Variants in TBC1D14 observed in about 807,000 individuals in gnomAD.
TBC1D14 encodes the protein TBC1 domain family, member 14.
In TBC1D14, 26 loss-of-function variants were observed where a neutral mutation model predicts 79.0. The ratio of observed to expected loss-of-function variants is 0.33; its 90% CI spans 0.24 to 0.46. TBC1D14 has a LOEUF of 0.46. Among genes scored for constraint, TBC1D14 ranks in the 20% least tolerant of loss-of-function variants. The probability of loss-of-function intolerance (pLI) is 1.00; values close to 1 mark genes in which losing one functional copy is unlikely to be tolerated. For missense variants in TBC1D14, 769 were observed against 887.6 expected (o/e 0.87, Z 1.70); for synonymous variants, 394 against 349.9 (o/e 1.13, Z -1.40).
chr4:6,921,748 G>A (rs1723882242), intron 1 of TBC1D14, among the ~76,000 whole-genome samples: 1 of 147,164 alleles, frequency 6.8e-6, no homozygotes, highest in South Asian at 2.1e-4. Flanking sequence ...CCAGGCTGGA[G>A]TGCAGTGGCA....
At chr4:6,921,159 C>T (rs1723822293) in intron 1 of TBC1D14, among the ~76,000 whole-genome samples, 1 of 152,140 alleles carries the variant, frequency 6.6e-6, no homozygotes, top group Admixed American at 6.5e-5. Flanking sequence ...GCTGGTGTGC[C>T]ACATACCCTC....
chr4:6,988,405 T>C (rs1193320086), intron 3 of TBC1D14, among the ~76,000 whole-genome samples: 1 of 152,230 alleles, frequency 6.6e-6, no homozygotes, highest in African/African-American at 2.4e-5. Flanking sequence ...GGAAACAGGC[T>C]TGTGGATGGA....
intron 2 of TBC1D14, among the ~76,000 whole-genome samples, chr4:6,966,813 T>C (rs1397013880): frequency 6.6e-6 from 1 of 152,196 alleles, no homozygotes; most frequent in African/African-American, 2.4e-5. Context: ...GTTTTTTGTT[T>C]GTGTGTTTGA....
chr4:6,960,358 C>G (rs996646978), intron 2 of TBC1D14, among the ~76,000 whole-genome samples: 2 of 151,786 alleles, frequency 1.3e-5, no homozygotes, highest in Non-Finnish European at 2.9e-5. Context: ...TCCCAACATG[C>G]TGGGATAACA....
intron 2 of TBC1D14, among the ~76,000 whole-genome samples, chr4:6,935,594 C>G (rs780983011): frequency 9.2e-5 from 14 of 152,028 alleles, no homozygotes; most frequent in Non-Finnish European, 1.8e-4. Flanking sequence ...CTCCCCCTTC[C>G]ATGCTTGTAG....
rs566230821 is a variant in TBC1D14, at chr4:6,939,462, T to C, written c.722+15351T>C. On this transcript the variant is annotated intron_variant, in intron 2 of 13. Transcript: ENST00000409757. ...CCCTCGAGGGACTGCCTCTCACTTA[T>C]TGTACGCTGGTGCTCATTAGAACTC... 1.6e-4 allele frequency among the ~76,000 whole-genome samples: 24 copies of C among 152,144 alleles called. No individual in the cohort carries two copies. The South Asian group carries it at 4.6e-3, about 29-fold the overall frequency.
intron 2 of TBC1D14, among the ~76,000 whole-genome samples, chr4:6,951,299 A>G (rs1190071572): frequency 6.6e-6 from 1 of 152,106 alleles, no homozygotes; most frequent in Non-Finnish European, 1.5e-5. Flanking sequence ...CTCAAAAAAA[A>G]TAAACAACAA....
intron 3 of TBC1D14, among the ~76,000 whole-genome samples, chr4:6,989,893 T>C (rs895166846): frequency 5.9e-5 from 9 of 152,150 alleles, no homozygotes; most frequent in African/African-American, 2.2e-4. Context: ...TATGGTCTCG[T>C]CTTTCCCAGC....
intron 11 of TBC1D14, among the ~76,000 whole-genome samples, chr4:7,013,796 T>G (rs1006608034): frequency 6.6e-6 from 1 of 150,744 alleles, no homozygotes; most frequent in East Asian, 1.9e-4. Flanking sequence ...CAGGCTGGAG[T>G]GCAGTGGCGC....
rs993838606 is a variant in TBC1D14 at position 7,032,031 on chromosome 4, TC to T, written c.*1642del. On this transcript the variant is annotated 3_prime_UTR_variant, in exon 14 of 14. Coordinates refer to ENST00000409757, the MANE Select transcript of TBC1D14 (RefSeq NM_020773.3). ...TCCCAGCACTATCATGTGTCACGTTTCCCGGACTCTGCCCCTACATCTCAGC... is the reference window on the plus strand; with the variant it reads ...TCCCAGCACTATCATGTGTCACGTTTCCGGACTCTGCCCCTACATCTCAGC... 9 of 152,374 alleles carry T rather than the reference TC, an allele frequency of 5.9e-5. No homozygotes were observed. Among genetic ancestry groups the T allele is most frequent in the African/African-American group, 2.2e-4 (9 of 41,440 alleles). 9.4% of individuals were successfully genotyped at this position (152,374 alleles called of 1,614,324 possible). A position where few individuals can be genotyped will look rare whatever the true frequency, so the allele number is the denominator to read the frequency against.
At chr4:6,987,373 C>T in intron 3 of TBC1D14, 2 of 1,416,834 alleles carry the variant, frequency 1.4e-6, no homozygotes, top group African/African-American at 1.5e-5. Flanking sequence ...CGGGCCGGTG[C>T]CTCTCCCTGC....
chr4:6,921,005 C>T (rs1260818626), intron 1 of TBC1D14, among the ~76,000 whole-genome samples: 1 of 152,172 alleles, frequency 6.6e-6, no homozygotes, highest in Non-Finnish European at 1.5e-5. Flanking sequence ...GTCTGGAACT[C>T]CTGACCTCAG....
intron 3 of TBC1D14, among the ~76,000 whole-genome samples, chr4:6,970,963 C>T (rs1028524376): frequency 7.0e-6 from 1 of 143,762 alleles, no homozygotes; most frequent in Non-Finnish European, 1.5e-5. Context: ...CCTCAAGGAG[C>T]CTGTGGTTGA....
chr4:6,957,926 T>A (rs915450889), intron 2 of TBC1D14, among the ~76,000 whole-genome samples: 89 of 143,040 alleles, frequency 6.2e-4, no homozygotes, highest in Non-Finnish European at 1.1e-3. Context: ...TAAATAAAAA[T>A]AAATAAAAAA....
intron 3 of TBC1D14, among the ~76,000 whole-genome samples, chr4:6,993,178 C>T (rs763856940): frequency 2.6e-4 from 40 of 152,306 alleles, no homozygotes; most frequent in Non-Finnish European, 4.6e-4. Flanking sequence ...CCTTCTTTGT[C>T]CTATCTTCTC....
intron 1 of TBC1D14, among the ~76,000 whole-genome samples, chr4:6,915,621 T>C (rs956308449): frequency 3.3e-5 from 5 of 152,116 alleles, no homozygotes; most frequent in African/African-American, 1.2e-4. Flanking sequence ...ACAGGGCTGC[T>C]GAGGGGCTGT....
Position 6,923,354 on chromosome 4 carries a change from A to G in TBC1D14, c.-17-19A>G. 1 of 1,564,352 alleles carries G rather than the reference A, an allele frequency of 6.4e-7. No homozygotes were observed. The highest frequency in any genetic ancestry group is 8.6e-7 in the Non-Finnish European group (1 of 1,156,702). On this transcript the variant is annotated intron_variant, in intron 1 of 13. Transcript: ENST00000409757. Reference sequence around the variant, plus strand: ...GAATTTTATATCCACTTTAATTTCCATGTTTGTGTTTTTTCTAGTTTCTCC... The same window carrying G: ...GAATTTTATATCCACTTTAATTTCCGTGTTTGTGTTTTTTCTAGTTTCTCC...
intron 1 of TBC1D14, among the ~76,000 whole-genome samples, chr4:6,914,188 A>T (rs1432501646): frequency 6.6e-6 from 1 of 151,966 alleles, no homozygotes; most frequent in Non-Finnish European, 1.5e-5. Context: ...AGTGGTCAGT[A>T]TAAGTTAAGT....
intron 3 of TBC1D14, among the ~76,000 whole-genome samples, chr4:6,990,526 G>T (rs574006867): frequency 2.6e-5 from 4 of 152,318 alleles, no homozygotes; most frequent in Non-Finnish European, 4.4e-5. Flanking sequence ...TTACCTGTTA[G>T]TCTGCAGGGA....
Sources: gnomAD v4.1 joint callset for allele counts (sites outside exome capture counted in the v4.1 genomes callset) on GRCh38, gnomAD v4.1.1 for gene constraint, MANE v1.5 for transcripts, NCBI Gene and HGNC (gene_info 2026-07-23, HGNC 2026-07-21) for gene names.